The following TENM4 variants were observed in gnomAD, a reference collection of about 807,000 sequenced individuals.
TENM4 encodes the protein teneurin transmembrane protein 4, also known as teneurin-4.
TENM4 carries 82 observed loss-of-function variants against 243.3 expected under a neutral mutation model. The observed-to-expected ratio is 0.34, with a 90% CI of 0.28 to 0.40. The LOEUF is 0.40. Ranked by LOEUF, TENM4 falls within the 10% of genes least tolerant of loss-of-function variation. The probability of loss-of-function intolerance (pLI) is 1.00; values close to 1 mark genes in which losing one functional copy is unlikely to be tolerated. For synonymous variants in TENM4, 1,412 were observed against 1,456.3 expected, an observed-to-expected ratio of 0.97 and a Z score of 0.69; for missense variants, 3,138 against 3,673.3, an observed-to-expected ratio of 0.85 and a Z score of 3.77.
intron 2 of TENM4, among the ~76,000 whole-genome samples, chr11:79,276,706 T>A (rs1355999799): frequency 6.6e-6 from 1 of 152,086 alleles, no homozygotes; most frequent in East Asian, 1.9e-4. Context: ...GGCCCTGTCA[T>A]CCTTACAGGA....
intron 18 of TENM4, among the ~76,000 whole-genome samples, chr11:78,763,378 A>G (rs1856472969): frequency 6.6e-6 from 1 of 152,110 alleles, no homozygotes; most frequent in African/African-American, 2.4e-5. Context: ...AGGGCAAAGA[A>G]AAGGGGGAAA....
chr11:79,173,037 T>C (rs536622185), intron 3 of TENM4, among the ~76,000 whole-genome samples: 1 of 152,344 alleles, frequency 6.6e-6, no homozygotes, highest in South Asian at 2.1e-4. Flanking sequence ...TCATATCTTT[T>C]CCTTGCTCAG....
intron 27 of TENM4, among the ~76,000 whole-genome samples, chr11:78,706,271 C>T (rs11237591): frequency 0.033 from 5,074 of 152,048 alleles, 279 homozygotes; most frequent in African/African-American, 0.12. Flanking sequence ...TGGCCATCTC[C>T]ACTTCTTAAC....
chr11:79,303,776 A>C (rs1359042156), intron 1 of TENM4, among the ~76,000 whole-genome samples: 3 of 152,198 alleles, frequency 2.0e-5, no homozygotes, highest in African/African-American at 7.2e-5. Context: ...TTTAGTTACT[A>C]ATAATCATGA....
At chr11:79,091,560 T>C (rs1377349282) in intron 4 of TENM4, among the ~76,000 whole-genome samples, 1 of 152,178 alleles carries the variant, frequency 6.6e-6, no homozygotes, top group East Asian at 1.9e-4. Flanking sequence ...CTGCCTAAAG[T>C]CTTGCTACTC....
intron 9 of TENM4, among the ~76,000 whole-genome samples, chr11:78,865,745 G>A (rs767796780): frequency 6.6e-6 from 1 of 152,194 alleles, no homozygotes; most frequent in Admixed American, 6.5e-5. Context: ...TGAAAGCAAC[G>A]AGATCCGACA....
chr11:78,732,822 G>A (rs1855699850), intron 20 of TENM4, among the ~76,000 whole-genome samples: 1 of 152,194 alleles, frequency 6.6e-6, no homozygotes, highest in African/African-American at 2.4e-5. Context: ...CCACTGCTGT[G>A]GAGAGCCATT....
At chr11:79,363,666 C>A (rs1037261203) in intron 1 of TENM4, among the ~76,000 whole-genome samples, 6 of 152,202 alleles carry the variant, frequency 3.9e-5, no homozygotes, top group African/African-American at 7.2e-5. Context: ...ATATAATTAT[C>A]ATAGTAATTC....
intron 4 of TENM4, among the ~76,000 whole-genome samples, chr11:79,135,724 CAT>C (rs35264955): frequency 0.2 from 28,514 of 140,508 alleles, 2,870 homozygotes; most frequent in South Asian, 0.25. Context: ...TATGATCATA[CAT>C]ATATGATATA....
At chr11:79,362,783 G>A (rs892041794) in intron 1 of TENM4, among the ~76,000 whole-genome samples, 5 of 152,250 alleles carry the variant, frequency 3.3e-5, no homozygotes, top group South Asian at 2.1e-4. Context: ...AGAGAAGCAT[G>A]ATAGTCTACC....
At chr11:79,317,966 A>C (rs1485985037) in intron 1 of TENM4, among the ~76,000 whole-genome samples, 1 of 152,182 alleles carries the variant, frequency 6.6e-6, no homozygotes, top group Middle Eastern at 3.2e-3. Flanking sequence ...TGGTGGCCCA[A>C]AATGACATGT....
chr11:79,416,836 C>T (rs898325095), intron 1 of TENM4, among the ~76,000 whole-genome samples: 10 of 151,578 alleles, frequency 6.6e-5, no homozygotes, highest in Admixed American at 2.6e-4. Context: ...CGTCTTCTAT[C>T]TCAGGTACAG....
intron 6 of TENM4, among the ~76,000 whole-genome samples, chr11:79,060,856 G>C (rs1015013668): frequency 2.0e-5 from 3 of 152,184 alleles, no homozygotes; most frequent in African/African-American, 7.2e-5. Flanking sequence ...CTACCCCTGA[G>C]AAGTGACCAC....
intron 19 of TENM4, among the ~76,000 whole-genome samples, chr11:78,748,428 T>C (rs1380026689): frequency 2.6e-5 from 4 of 152,212 alleles, no homozygotes; most frequent in African/African-American, 9.6e-5. Flanking sequence ...GCATGAAGCC[T>C]TACTGCACAT....
intron 1 of TENM4, among the ~76,000 whole-genome samples, chr11:79,372,703 G>C (rs555473729): frequency 6.6e-6 from 1 of 152,266 alleles, no homozygotes; most frequent in East Asian, 1.9e-4. Flanking sequence ...GGGGAGGGGG[G>C]AATCTTGTTT....
intron 16 of TENM4, among the ~76,000 whole-genome samples, chr11:78,784,421 T>A (rs1194317079): frequency 6.6e-6 from 1 of 152,122 alleles, no homozygotes; most frequent in Non-Finnish European, 1.5e-5. Context: ...ACGAGGGTGG[T>A]GAGTTTCTCA....
chr11:78,778,501 A>C (rs1856780611), intron 17 of TENM4, 101 bp downstream of exon 17: 23 of 1,258,580 alleles, frequency 1.8e-5, no homozygotes, highest in Non-Finnish European at 2.6e-5. Context: ...CATCATGCTT[A>C]TGTGGTGTAT....
chr11:78,746,348 C>T (rs1856051431), intron 19 of TENM4, among the ~76,000 whole-genome samples: 1 of 152,250 alleles, frequency 6.6e-6, no homozygotes, highest in Admixed American at 6.5e-5. Flanking sequence ...TGAGGCTGTG[C>T]TTCCCGCAGA....
chr11:79,271,439 C>G (rs953355656), intron 2 of TENM4, among the ~76,000 whole-genome samples: 1 of 152,154 alleles, frequency 6.6e-6, no homozygotes, highest in African/African-American at 2.4e-5. Context: ...ATTTATAGGT[C>G]CATAATCCAT....
Sources: allele counts gnomAD v4.1 joint callset (sites outside exome capture counted in the v4.1 genomes callset), GRCh38; gene constraint gnomAD v4.1.1; transcripts MANE v1.5; gene names NCBI Gene and HGNC (gene_info 2026-07-23, HGNC 2026-07-21).